The following GRHL2 variants were observed in gnomAD, a reference collection of about 807,000 sequenced individuals.
The protein encoded by GRHL2 is grainyhead-like protein 2 homolog.
A neutral mutation model predicts 83.8 loss-of-function variants in GRHL2; 21 were observed. The observed-to-expected ratio is 0.25, with a 90% CI of 0.18 to 0.36. GRHL2 has a LOEUF of 0.36. Among genes scored for constraint, GRHL2 ranks in the 10% least tolerant of loss-of-function variants. The pLI is 1.00. For synonymous variants in GRHL2, 280 were observed against 278.9 expected (o/e 1.00, Z -0.04); for missense variants, 623 against 781.8 (o/e 0.80, Z 2.42).
intron 1 of GRHL2, among the ~76,000 whole-genome samples, chr8:101,535,735 T>C (rs1486021290): frequency 6.6e-6 from 1 of 152,102 alleles, no homozygotes; most frequent in Non-Finnish European, 1.5e-5. Context: ...AGACAGGGTT[T>C]CACCAAGTTG....
chr8:101,602,805 T>C (rs954195777), intron 8 of GRHL2, among the ~76,000 whole-genome samples: 7 of 152,372 alleles, frequency 4.6e-5, no homozygotes, highest in South Asian at 2.1e-4. Flanking sequence ...GCAACTGATA[T>C]GCAGTTTAGC....
the GRHL2 span, among the ~76,000 whole-genome samples, chr8:101,678,552 G>T: frequency 6.6e-6 from 1 of 151,914 alleles, no homozygotes; most frequent in African/African-American, 2.4e-5. Context: ...CAAAGCAGCC[G>T]GGAAGCTCGA....
intron 2 of GRHL2, among the ~76,000 whole-genome samples, chr8:101,546,633 C>T (rs993509990): frequency 6.6e-6 from 1 of 152,078 alleles, no homozygotes; most frequent in Admixed American, 6.6e-5. Context: ...CCAGGCTGCT[C>T]TTGAACTCCT....
At chr8:101,518,031 G>A (rs1207566863) in intron 1 of GRHL2, among the ~76,000 whole-genome samples, 1 of 152,050 alleles carries the variant, frequency 6.6e-6, no homozygotes, top group Non-Finnish European at 1.5e-5. Flanking sequence ...GAGCTTTCAG[G>A]CTCCACACAC....
chr8:101,655,644 T>G (rs569724340), intron 14 of GRHL2, among the ~76,000 whole-genome samples: 4 of 152,332 alleles, frequency 2.6e-5, no homozygotes, highest in African/African-American at 9.6e-5. Flanking sequence ...TTACTAAATA[T>G]TCCCATACTT....
intron 7 of GRHL2, among the ~76,000 whole-genome samples, chr8:101,581,311 T>A (rs565184450): frequency 6.6e-6 from 1 of 152,312 alleles, no homozygotes; most frequent in African/African-American, 2.4e-5. Context: ...ACATTAGCAA[T>A]GAGCTCTAAC....
At chr8:101,647,700 T>C (rs1207696674) in intron 13 of GRHL2, among the ~76,000 whole-genome samples, 1 of 152,188 alleles carries the variant, frequency 6.6e-6, no homozygotes, top group Non-Finnish European at 1.5e-5. Context: ...TTATATTTGG[T>C]AAAAAGAAGA....
At chr8:101,645,367 G>A (rs1051026280) in intron 13 of GRHL2, among the ~76,000 whole-genome samples, 7 of 152,138 alleles carry the variant, frequency 4.6e-5, no homozygotes, top group Admixed American at 1.3e-4. Context: ...TCTTGACCTT[G>A]TGATCCGGCC....
At chr8:101,552,568 C>T (rs1811406209) in intron 2 of GRHL2, 147 bp from the exon 3 acceptor site, 1 of 728,586 alleles carries the variant, frequency 1.4e-6, no homozygotes, top group South Asian at 1.5e-5. Flanking sequence ...GGCTACTAGC[C>T]TTTATCATCT....
chr8:101,597,188 C>A (rs1468650412), intron 7 of GRHL2, among the ~76,000 whole-genome samples: 1 of 152,080 alleles, frequency 6.6e-6, no homozygotes, highest in Non-Finnish European at 1.5e-5. Context: ...CATTTAGTAA[C>A]TTTTTATGTG....
At chr8:101,551,617 C>CA (rs111993659) in intron 2 of GRHL2, among the ~76,000 whole-genome samples, 43 of 143,918 alleles carry the variant, frequency 3.0e-4, no homozygotes, top group East Asian at 8.0e-4. Flanking sequence ...GGAGATAGAG[C>CA]AAAAAAAAAG....
the GRHL2 span, among the ~76,000 whole-genome samples, chr8:101,681,172 A>T: frequency 6.9e-6 from 1 of 144,744 alleles, no homozygotes; most frequent in African/African-American, 2.6e-5. Flanking sequence ...AAATTGATAG[A>T]CCGCTAGCAA....
intron 4 of GRHL2, among the ~76,000 whole-genome samples, chr8:101,559,533 A>G (rs1811564216): frequency 6.6e-6 from 1 of 152,112 alleles, no homozygotes; most frequent in South Asian, 2.1e-4. Context: ...TCCATCTCAA[A>G]ACAAAGCAAA....
intron 7 of GRHL2, among the ~76,000 whole-genome samples, chr8:101,581,385 A>C (rs1812050386): frequency 6.6e-6 from 1 of 152,200 alleles, no homozygotes; most frequent in Non-Finnish European, 1.5e-5. Context: ...AAAACACATA[A>C]GCAAAGTTCT....
At chr8:101,593,757 C>A (rs1035173208) in intron 7 of GRHL2, among the ~76,000 whole-genome samples, 4 of 151,984 alleles carry the variant, frequency 2.6e-5, no homozygotes, top group Non-Finnish European at 5.9e-5. Flanking sequence ...CATCCAATGA[C>A]AAATCCTTAA....
At chr8:101,641,813 A>G in intron 12 of GRHL2, among the ~76,000 whole-genome samples, 1 of 152,126 alleles carries the variant, frequency 6.6e-6, no homozygotes. Flanking sequence ...CGGATACCAA[A>G]ATTTACAGAC....
At chr8:101,526,813 G>A (rs866776549) in intron 1 of GRHL2, among the ~76,000 whole-genome samples, 4 of 152,026 alleles carry the variant, frequency 2.6e-5, no homozygotes, top group East Asian at 3.9e-4. Context: ...TGCTTTACAC[G>A]TACTTCCTGC....
intron 4 of GRHL2, among the ~76,000 whole-genome samples, chr8:101,565,053 C>T (rs1171989159): frequency 6.6e-6 from 1 of 152,168 alleles, no homozygotes; most frequent in Non-Finnish European, 1.5e-5. Context: ...TTGAGTTCTA[C>T]TCTGTGCCAG....
downstream of GRHL2, among the ~76,000 whole-genome samples, chr8:101,673,954 G>A (rs7829786): frequency 0.28 from 41,894 of 151,858 alleles, 6,342 homozygotes; most frequent in African/African-American, 0.38. Flanking sequence ...CTCCTGAATG[G>A]CTACTGGGTA....
Sources: allele counts gnomAD v4.1 joint callset (sites outside exome capture counted in the v4.1 genomes callset), GRCh38; gene constraint gnomAD v4.1.1; transcripts MANE v1.5; gene names NCBI Gene and HGNC (gene_info 2026-07-23, HGNC 2026-07-21).